Variants in MAX observed in about 807,000 individuals in gnomAD.
MAX encodes the protein MYC associated transcriptional regulator X.
In MAX, 3 loss-of-function variants were observed where a neutral mutation model predicts 22.3. The observed-to-expected ratio is 0.13, with a 90% CI of 0.06 to 0.35. MAX has a LOEUF of 0.35. MAX is among the 10% of genes least tolerant of loss of function. The probability of loss-of-function intolerance (pLI) is 1.00; values close to 1 mark genes in which losing one functional copy is unlikely to be tolerated. For synonymous variants in MAX, 72 were observed against 77.7 expected (o/e 0.93, Z 0.39); for missense variants, 119 against 209.4 (o/e 0.57, Z 2.66).
rs1441917216 is a variant in MAX, at chr14:65,058,951, C to T, written c.171+34757G>A. Among the ~76,000 whole-genome samples, 3 of 152,246 alleles carry T rather than the reference C, an allele frequency of 2.0e-5. No homozygotes were observed. The South Asian group carries it at 6.2e-4, about 32-fold the overall frequency. On this transcript the variant is annotated intron_variant, in intron 3 of 3. Coordinates refer to the MAX transcript ENST00000341653. The stretch of plus-strand genomic sequence containing the variant: ...TAAAATTTTATTGTATTGTCCTTTT[C>T]CAGTGTTTCAGGATAATATCATAGC...
intron 3 of MAX, among the ~76,000 whole-genome samples, chr14:65,059,057 C>CT (rs879887428): frequency 2.6e-5 from 4 of 152,124 alleles, no homozygotes; most frequent in Non-Finnish European, 5.9e-5. Context: ...TGATCTCACT[C>CT]TGTCACTCAT....
At position 65,027,573 on chromosome 14, in the gene MAX, C is replaced by T. The variant is rs780656923; in HGVS notation, c.172-21289G>A. 10 of 1,614,120 alleles carry T rather than the reference C, an allele frequency of 6.2e-6. No homozygotes were observed. The highest frequency in any genetic ancestry group is 3.3e-5 in the Admixed American group (2 of 60,012). ...TCAATGCATTGTGCATCATTGGCAC[C>T]GAGGAGGCCTATGACATCATTAACA... On this transcript the variant is annotated intron_variant, in intron 3 of 3. Transcript: ENST00000341653. This position sits in a 1 kb window ranked among gnomAD's most constrained non-coding sequence, Gnocchi z 5.7.
At position 65,037,409 on chromosome 14, in the gene MAX, T is replaced by C. The variant is rs1380556851; in HGVS notation, c.172-31125A>G. Among the ~76,000 whole-genome samples, 26 of 57,034 alleles carry C rather than the reference T, an allele frequency of 4.6e-4. 3 individuals are homozygous for C. Among genetic ancestry groups the C allele is most frequent in the Admixed American group, 1.4e-3 (7 of 5,058 alleles). The allele number at this position is 57,034 out of a possible 152,430, so 37.4% of individuals were successfully genotyped here. A position where few individuals can be genotyped will look rare whatever the true frequency, so the allele number is the denominator to read the frequency against. On this transcript the variant is annotated intron_variant, in intron 3 of 3. Transcript: ENST00000341653. ...TGAGCCACCACGCCGGGCCCTTTTT[T>C]TTTTTTTTTTTTTTTTTTTTTTTTT...
intron 3 of MAX, among the ~76,000 whole-genome samples, chr14:65,055,879 T>C (rs1247979208): frequency 1.3e-5 from 2 of 152,184 alleles, no homozygotes; most frequent in Admixed American, 6.5e-5. Flanking sequence ...GGCCAATAGA[T>C]AGTTGAAAAG....
chr14:65,070,552 G>A (rs1247746658), downstream of MAX, among the ~76,000 whole-genome samples: 11 of 152,188 alleles, frequency 7.2e-5, no homozygotes, highest in East Asian at 3.9e-4. This position sits in a 1 kb window ranked among gnomAD's most constrained non-coding sequence, Gnocchi z 4.4. Context: ...GGACCTGCTC[G>A]GCTGGTTGTG....
intron 3 of MAX, among the ~76,000 whole-genome samples, chr14:65,081,544 T>C (rs1566605192): frequency 1.3e-5 from 2 of 152,190 alleles, no homozygotes; most frequent in South Asian, 2.1e-4. Context: ...GCATGGACTA[T>C]GGAATAACCC....
Position 65,078,417 on chromosome 14 carries a change from T to C in MAX, c.172-381A>G, listed in dbSNP as rs1019780291. Reference sequence around the variant, plus strand: ...TGCGGTTTCACCATGTTAGCCAGGCTGGTCTCAAACTCCTGGCCTCAGGTG... The same window carrying C: ...TGCGGTTTCACCATGTTAGCCAGGCCGGTCTCAAACTCCTGGCCTCAGGTG... On this transcript the variant is annotated intron_variant, in intron 3 of 4. Coordinates refer to ENST00000358664, the MANE Select transcript of MAX (RefSeq NM_002382.5). This position sits in a 1 kb window ranked among gnomAD's most constrained non-coding sequence, Gnocchi z 6.4. Among the ~76,000 whole-genome samples, 1 of 152,156 alleles carries C rather than the reference T, an allele frequency of 6.6e-6. No individual in the cohort carries two copies. The highest frequency in any genetic ancestry group is 2.4e-5 in the African/African-American group (1 of 41,430).
rs1417536484 is a variant in MAX at position 65,032,411 on chromosome 14, C to G, written c.172-26127G>C. ...AGAATGTCATGTTCTTTCACTGAAGCCATGCCGTGAGCAACTCTATCCAAA... is the reference window on the plus strand; with the variant it reads ...AGAATGTCATGTTCTTTCACTGAAGGCATGCCGTGAGCAACTCTATCCAAA... On this transcript the variant is annotated intron_variant, in intron 3 of 3. Transcript: ENST00000341653. The surrounding 1 kb of genome is among the most constrained non-coding windows in gnomAD (Gnocchi z 5.0). 3 of 480,136 alleles carry G rather than the reference C, an allele frequency of 6.2e-6. No individual in the cohort carries two copies. Among genetic ancestry groups the G allele is most frequent in the Non-Finnish European group, 1.1e-5 (3 of 273,224 alleles). The allele number at this position is 480,136 out of a possible 1,614,324, so 29.7% of individuals were successfully genotyped here.
At position 65,021,794 on chromosome 14, in the gene MAX, T is replaced by G. The variant is rs566365940; in HGVS notation, c.172-15510A>C. Among the ~76,000 whole-genome samples, 3 of 152,292 alleles carry G rather than the reference T, an allele frequency of 2.0e-5. No homozygotes were observed. In the East Asian group the frequency reaches 5.8e-4, roughly 29 times the overall value. On this transcript the variant is annotated intron_variant, in intron 3 of 3. Transcript: ENST00000341653. ...CCAAGCAGCTGGGACTACGGGCGCA[T>G]GCCACTATGCCTGGCTAATTTTTGT...
downstream of MAX, among the ~76,000 whole-genome samples, chr14:65,074,722 A>G (rs1418803749): frequency 6.6e-6 from 1 of 152,210 alleles, no homozygotes; most frequent in African/African-American, 2.4e-5. Flanking sequence ...TCCTCTTAAT[A>G]AACTGGAACT....
At position 65,075,244 on chromosome 14, in the gene MAX, C is replaced by T. The variant is rs2063027797; in HGVS notation, c.*1232G>A. 2 of 1,058,024 alleles carry T rather than the reference C, an allele frequency of 1.9e-6. No homozygotes were observed. Among genetic ancestry groups the T allele is most frequent in the Non-Finnish European group, 2.3e-6 (2 of 874,534 alleles). The allele number at this position is 1,058,024 out of a possible 1,614,324, so 65.5% of individuals were successfully genotyped here. ...TTTATTTCCATGGAATGGAATCAAA[C>T]ACGAACTGAGACTACAGAGTATACA... On this transcript the variant is annotated 3_prime_UTR_variant, in exon 5 of 5. Transcript: ENST00000358664. This position sits in a 1 kb window ranked among gnomAD's most constrained non-coding sequence, Gnocchi z 4.1.
At chr14:65,050,443 T>C (rs2062580938) in intron 3 of MAX, among the ~76,000 whole-genome samples, 1 of 152,038 alleles carries the variant, frequency 6.6e-6, no homozygotes, top group Non-Finnish European at 1.5e-5. Context: ...ATGCAAAAAT[T>C]AGCCAGGCGT....
chr14:65,021,728 T>C (rs1223150747), intron 3 of MAX, among the ~76,000 whole-genome samples: 1 of 152,110 alleles, frequency 6.6e-6, no homozygotes, highest in African/African-American at 2.4e-5. Flanking sequence ...TCACTGCAAC[T>C]TCCACCTTCC....
intron 3 of MAX, chr14:65,083,589 A>G: frequency 5.5e-6 from 2 of 366,030 alleles, no homozygotes; most frequent in Non-Finnish European, 7.6e-6. Flanking sequence ...TAGGGTCCCA[A>G]TGCTGACGTG....
chr14:65,101,368 G>C (rs1052911384), intron 2 of MAX, among the ~76,000 whole-genome samples, 178 bp downstream of exon 2: 9 of 152,110 alleles, frequency 5.9e-5, no homozygotes, highest in African/African-American at 2.2e-4. Context: ...TGAGAATCTA[G>C]AATAATGGGA....
intron 3 of MAX, among the ~76,000 whole-genome samples, chr14:65,045,214 A>C (rs988861534): frequency 2.6e-5 from 4 of 152,050 alleles, no homozygotes; most frequent in Admixed American, 6.5e-5. Flanking sequence ...GGTGTCTCTG[A>C]GTAGACCTGT....
In MAX at chr14:65,031,741, C is replaced by T. The variant is rs549763067; in HGVS notation, c.172-25457G>A. Among the ~76,000 whole-genome samples, 3 of 152,082 alleles carry T rather than the reference C, an allele frequency of 2.0e-5. No homozygotes were observed. The highest frequency in any genetic ancestry group is 3.9e-4 in the East Asian group (2 of 5,132). On this transcript the variant is annotated intron_variant, in intron 3 of 3. Coordinates refer to the MAX transcript ENST00000341653. This position sits in a 1 kb window ranked among gnomAD's most constrained non-coding sequence, Gnocchi z 4.6. ...TTTGAAACCAGCCTAGCCAACATGG[C>T]GAAACCCCATCTCCACTAAAAATAG...
In MAX at chr14:65,032,639, C is replaced by T. The variant is rs767185580; in HGVS notation, c.172-26355G>A. The T allele has an allele frequency of 3.1e-6, 5 of 1,613,998 alleles. No individual in the cohort carries two copies. The highest frequency in any genetic ancestry group is 1.7e-5 in the Admixed American group (1 of 60,018). On this transcript the variant is annotated intron_variant, in intron 3 of 3. Transcript: ENST00000341653. This position sits in a 1 kb window ranked among gnomAD's most constrained non-coding sequence, Gnocchi z 5.0. Reference sequence around the variant, plus strand: ...GCATACTGTGCTGCCTCCGTAGCCTCGCTGACCAACATCATCACTCCAGAC... The same window carrying T: ...GCATACTGTGCTGCCTCCGTAGCCTTGCTGACCAACATCATCACTCCAGAC...
chr14:65,025,635 C>T (rs527991668), intron 3 of MAX, among the ~76,000 whole-genome samples: 7 of 151,910 alleles, frequency 4.6e-5, no homozygotes, highest in South Asian at 4.2e-4. Context: ...GGCAACATGG[C>T]GAAACCCCAT....
Sources: gnomAD v4.1 joint callset for allele counts (sites outside exome capture counted in the v4.1 genomes callset) on GRCh38, gnomAD v4.1.1 for gene constraint, Gnocchi (gnomAD v3.1) non-coding constraint, MANE v1.5 for transcripts, NCBI Gene and HGNC (gene_info 2026-07-23, HGNC 2026-07-21) for gene names.